Variants in ING1 observed in about 807,000 individuals in gnomAD.
ING1 encodes inhibitor of growth protein 1.
Under a neutral mutation model 23.1 loss-of-function variants are expected in ING1, and 4 were observed. The observed-to-expected ratio is 0.17, with a 90% confidence interval of 0.09 to 0.40. ING1 has a LOEUF of 0.40. ING1 is among the 10% of genes least tolerant of loss of function. The pLI, the probability that ING1 is intolerant of heterozygous loss-of-function variation, is 1.00. For synonymous variants in ING1, 179 were observed against 166.4 expected (o/e 1.08, Z -0.58); for missense variants, 256 against 393.8 (o/e 0.65, Z 2.96).
At chr13:110,715,349 G>A (rs550313496) in intron 1 of ING1, 5 of 1,468,362 alleles carry the variant, frequency 3.4e-6, no homozygotes, top group South Asian at 2.9e-5. Context: ...GCCCCTGCGC[G>A]TTCTATCCGA....
At chr13:110,714,475 C>T (rs538443704) in intron 1 of ING1, among the ~76,000 whole-genome samples, 190 bp downstream of exon 1, 77 of 148,990 alleles carry the variant, frequency 5.2e-4, no homozygotes, top group African/African-American at 1.8e-3. Context: ...GTGCAAAGCC[C>T]GGGACACGGA....
intron 1 of ING1, chr13:110,715,934 C>T (rs770467241): frequency 1.1e-5 from 17 of 1,558,184 alleles, no homozygotes; most frequent in Non-Finnish European, 1.4e-5. Context: ...CCGCGACCCG[C>T]GGGGCCGGCT....
At chr13:110,716,332 C>G (rs79104953) in intron 1 of ING1, among the ~76,000 whole-genome samples, 5,205 of 152,200 alleles carry the variant, frequency 0.034, 138 homozygotes, top group African/African-American at 0.061. Flanking sequence ...CAGTCCTGCC[C>G]CCCCGGGAGT....
intron 1 of ING1, chr13:110,715,514 C>G: frequency 6.2e-7 from 1 of 1,614,138 alleles, no homozygotes; most frequent in Non-Finnish European, 8.5e-7. Context: ...GAAGGCGGGC[C>G]TAGCGCAATA....
chr13:110,716,354 G>C (rs1202757978), intron 1 of ING1, among the ~76,000 whole-genome samples: 1 of 152,160 alleles, frequency 6.6e-6, no homozygotes, highest in Non-Finnish European at 1.5e-5. Flanking sequence ...CTGGAGCGGC[G>C]CAGCTGGGAG....
intron 1 of ING1, chr13:110,715,333 G>T: frequency 2.1e-6 from 3 of 1,450,334 alleles, no homozygotes; most frequent in South Asian, 1.5e-5. Context: ...CCTCTGCCGG[G>T]AAGGCGCCCC....
upstream of ING1, chr13:110,713,191 T>TA (rs1271779287): frequency 8.4e-6 from 12 of 1,425,074 alleles, no homozygotes; most frequent in Non-Finnish European, 1.1e-5. Flanking sequence ...TGTTGGCAAG[T>TA]AGATTGGCTA....
chr13:110,718,830 A>T (rs1446039914), intron 1 of ING1, among the ~76,000 whole-genome samples: 1 of 152,144 alleles, frequency 6.6e-6, no homozygotes, highest in East Asian at 1.9e-4. Context: ...TTTGAGTAAA[A>T]ATGATGGCAG....
At position 110,719,255 on chromosome 13, in the gene ING1, T is replaced by C; in HGVS notation, c.163T>C (p.Tyr55His). 2 of 1,613,116 alleles carry C rather than the reference T, an allele frequency of 1.2e-6. No individual in the cohort carries two copies. Among genetic ancestry groups the C allele is most frequent in the South Asian group, 1.1e-5 (1 of 91,080 alleles). The change falls in exon 2 of 2, where the codon TAC becomes CAC. Residue 55 changes from tyrosine to histidine, a missense_variant. Physicochemically the swap from Tyr to His is moderately conservative, Grantham distance 83. Transcript: ENST00000333219. This position sits in a 1 kb window ranked among gnomAD's most constrained non-coding sequence, Gnocchi z 8.9. ...GATCCTGAAGGAGCTAGACGAGTGC[T>C]ACGAGCGCTTCAGTCGCGAGACAGA... ...QEILKELDECYERFSRETDGA... is the reference protein window; with the variant it reads ...QEILKELDECHERFSRETDGA...
upstream of ING1, chr13:110,712,895 G>A (rs565440904): frequency 1.4e-5 from 21 of 1,483,930 alleles, no homozygotes; most frequent in African/African-American, 2.8e-5. Flanking sequence ...ACCGGGAGAC[G>A]ACACAAAGGG....
chr13:110,715,166 T>G, intron 1 of ING1: 1 of 1,187,392 alleles, frequency 8.4e-7, no homozygotes, highest in Non-Finnish European at 1.0e-6. Context: ...TTGGGGAAAC[T>G]TTCCTGCGAG....
At chr13:110,715,147 T>G in intron 1 of ING1, 1 of 1,150,542 alleles carries the variant, frequency 8.7e-7, no homozygotes, top group Non-Finnish European at 1.1e-6. Flanking sequence ...CGCCGGGAAT[T>G]GTTGGCTGTT....
upstream of ING1, chr13:110,713,078 C>T (rs1266981976): frequency 1.4e-6 from 2 of 1,445,208 alleles, no homozygotes; most frequent in East Asian, 2.5e-5. Flanking sequence ...CCTCCCCTTC[C>T]TTCCGCCTCC....
upstream of ING1, chr13:110,713,585 C>T (rs1037559797): frequency 2.1e-5 from 21 of 985,492 alleles, no homozygotes; most frequent in Admixed American, 6.1e-5. Flanking sequence ...GGGCCTGGGA[C>T]GGTGAGGGGC....
rs2064148264 is a variant in ING1 at position 110,719,075 on chromosome 13, G to A, written c.137-154G>A. Among the ~76,000 whole-genome samples the A allele has an allele frequency of 6.7e-6, 1 of 150,252 alleles. No homozygotes were observed. The highest frequency in any genetic ancestry group is 2.5e-5 in the African/African-American group (1 of 39,668). On this transcript the variant is annotated intron_variant, in intron 1 of 1. Transcript: ENST00000333219. This position sits in a 1 kb window ranked among gnomAD's most constrained non-coding sequence, Gnocchi z 8.9. ...TTGTGGTTAGCACAGGAACAGATAG[G>A]CCCGGGAGAGCCTGTGGCTGGTGGG...
chr13:110,714,928 C>G (rs527690240), intron 1 of ING1: 5 of 955,526 alleles, frequency 5.2e-6, no homozygotes, highest in Non-Finnish European at 6.2e-6. Context: ...TTGTAGTTTG[C>G]GGAGGACGAG....
chr13:110,713,236 T>C (rs923092866), upstream of ING1: 11 of 1,396,228 alleles, frequency 7.9e-6, no homozygotes, highest in South Asian at 6.7e-5. Context: ...GCCCTACTTA[T>C]ACTGCTCTGT....
Position 110,714,053 on chromosome 13 carries a change from G to T in ING1, c.-97G>T. On this transcript the variant is annotated 5_prime_UTR_variant, in exon 1 of 2. Coordinates refer to ENST00000333219, the MANE Select transcript of ING1 (RefSeq NM_198219.3). ...GCCGGCGGGGGGGCGCCGGGAGAGC[G>T]AGGGCTTTGCATTTTGCAGTGCTAT... is the stretch of plus-strand genomic sequence containing the variant. 1 of 1,288,236 alleles carries T rather than the reference G, an allele frequency of 7.8e-7. No homozygotes were observed. Among genetic ancestry groups the T allele is most frequent in the East Asian group, 3.2e-5 (1 of 31,146 alleles). 79.8% of individuals were successfully genotyped at this position (1,288,236 alleles called of 1,614,324 possible).
chr13:110,718,465 G>A (rs1415551492), intron 1 of ING1, among the ~76,000 whole-genome samples: 2 of 152,170 alleles, frequency 1.3e-5, no homozygotes, highest in African/African-American at 2.4e-5. Flanking sequence ...AGGTTTTCTG[G>A]ATTATTGTGG....
Sources: gnomAD v4.1 joint callset for allele counts (sites outside exome capture counted in the v4.1 genomes callset) on GRCh38, gnomAD v4.1.1 for gene constraint, Gnocchi (gnomAD v3.1) non-coding constraint, MANE v1.5 for transcripts, NCBI Gene and HGNC (gene_info 2026-07-23, HGNC 2026-07-21) for gene names.